CWF19L2: variants seen among roughly 807,000 people sequenced by gnomAD.
CWF19L2 encodes the protein CWF19 like cell cycle control factor 2.
Under a neutral mutation model 111.7 loss-of-function variants are expected in CWF19L2, and 98 were observed. The observed-to-expected ratio is 0.88, with a 90% confidence interval of 0.75 to 1.04. CWF19L2 has a LOEUF of 1.04. Ranked by LOEUF, CWF19L2 falls within the 50% of genes least tolerant of loss-of-function variation. The pLI, the probability that CWF19L2 is intolerant of heterozygous loss-of-function variation, is 0.00. For synonymous variants in CWF19L2, 351 were observed against 342.9 expected, an observed-to-expected ratio of 1.02 and a Z score of -0.26; for missense variants, 1,101 against 1,051.4, an observed-to-expected ratio of 1.05 and a Z score of -0.65.
chr11:107,392,868 C>T lies in CWF19L2; in HGVS notation c.1645G>A (p.Val549Ile), dbSNP rs145787698. 3 of 1,573,558 alleles carry T rather than the reference C, an allele frequency of 1.9e-6. No individual in the cohort carries two copies. The highest frequency in any genetic ancestry group is 2.6e-6 in the Non-Finnish European group (3 of 1,166,660). ...ENEDQQEVIL[V>I]RTDQSGRVWP... The stretch of plus-strand genomic sequence containing the variant: ...ACTCTTCCAGACTGATCTGTTCTGA[C>T]AAGGATTACTTCTTGCTGGTCTTCA... The change falls in exon 11 of 18, where the codon GTC (valine) becomes ATC (isoleucine). Residue 549 changes from valine (V) to isoleucine (I), a missense_variant. Transcript: ENST00000282251.
intron 12 of CWF19L2, among the ~76,000 whole-genome samples, chr11:107,382,531 G>A (rs1305978258): frequency 1.3e-5 from 2 of 152,120 alleles, no homozygotes; most frequent in Non-Finnish European, 2.9e-5. Flanking sequence ...CTATGATTTC[G>A]AAGGAAGAAA....
intron 10 of CWF19L2, among the ~76,000 whole-genome samples, chr11:107,412,737 G>C (rs1485768762): frequency 6.6e-6 from 1 of 152,210 alleles, no homozygotes; most frequent in Non-Finnish European, 1.5e-5. Context: ...GATGCACCAA[G>C]ATGTCCTCCA....
At chr11:107,449,739 G>A (rs12293353) in intron 3 of CWF19L2, among the ~76,000 whole-genome samples, 3,966 of 151,548 alleles carry the variant, frequency 0.026, 186 homozygotes, top group African/African-American at 0.09. Flanking sequence ...GATGAAATGG[G>A]ATGCTAAAAA....
Position 107,368,623 on chromosome 11 carries a change from T to C in CWF19L2, c.1873-14887A>G, listed in dbSNP as rs989542505. Among the ~76,000 whole-genome samples the C allele has an allele frequency of 2.2e-5, 3 of 138,084 alleles. 1 individual carries two copies. Among genetic ancestry groups the C allele is most frequent in the Non-Finnish European group, 4.7e-5 (3 of 64,288 alleles). 90.6% of individuals were successfully genotyped at this position (138,084 alleles called of 152,430 possible). ...GTGTGAGGTGCCAAATTATGACTGA[T>C]ATTCAGAATACAACCTTGGTTAATG... On this transcript the variant is annotated intron_variant, in intron 12 of 17. Transcript: ENST00000282251.
chr11:107,420,928 T>C (rs1339651791), intron 8 of CWF19L2, among the ~76,000 whole-genome samples: 2 of 151,826 alleles, frequency 1.3e-5, no homozygotes, highest in African/African-American at 4.8e-5. Flanking sequence ...ACCTGAATAA[T>C]ACTATCAACT....
chr11:107,442,015 T>C (rs772726533), intron 4 of CWF19L2, among the ~76,000 whole-genome samples: 2 of 152,162 alleles, frequency 1.3e-5, no homozygotes, highest in African/African-American at 2.4e-5. Flanking sequence ...ATTTTTGAAC[T>C]ATTCAACTGT....
chr11:107,363,084 T>C (rs1426844565), intron 12 of CWF19L2, among the ~76,000 whole-genome samples: 1 of 151,814 alleles, frequency 6.6e-6, no homozygotes, highest in African/African-American at 2.4e-5. Flanking sequence ...CGATGGAAGA[T>C]GAAATGAATG....
At chr11:107,410,343 G>C (rs2135392827) in intron 10 of CWF19L2, among the ~76,000 whole-genome samples, 1 of 152,176 alleles carries the variant, frequency 6.6e-6, no homozygotes, top group African/African-American at 2.4e-5. Flanking sequence ...AATTACTTTA[G>C]TTGCAGTAGA....
chr11:107,415,747 A>C (rs1481050890), intron 10 of CWF19L2, among the ~76,000 whole-genome samples: 1 of 152,198 alleles, frequency 6.6e-6, no homozygotes, highest in Non-Finnish European at 1.5e-5. Context: ...TTTTTAAAAC[A>C]AGCATGCATA....
At chr11:107,403,783 T>C in intron 10 of CWF19L2, 2 of 881,106 alleles carry the variant, frequency 2.3e-6, no homozygotes, top group Non-Finnish European at 3.9e-6. Context: ...CAGCTGCAAC[T>C]TTCTCCATAT....
intron 3 of CWF19L2, among the ~76,000 whole-genome samples, chr11:107,448,053 A>C (rs1324741169): frequency 6.6e-6 from 1 of 152,186 alleles, no homozygotes. Context: ...CAGCAAAAGA[A>C]AAGGCCAGTC....
intron 6 of CWF19L2, among the ~76,000 whole-genome samples, chr11:107,436,230 G>A (rs1207585483): frequency 6.6e-6 from 1 of 151,112 alleles, no homozygotes; most frequent in Non-Finnish European, 1.5e-5. Flanking sequence ...GCATGGTTCA[G>A]GTCCTCTATG....
intron 10 of CWF19L2, among the ~76,000 whole-genome samples, chr11:107,405,421 A>G (rs1427777993): frequency 6.6e-6 from 1 of 152,228 alleles, no homozygotes; most frequent in Non-Finnish European, 1.5e-5. Context: ...AACAAGCAAG[A>G]TTAAAACTTG....
intron 12 of CWF19L2, among the ~76,000 whole-genome samples, chr11:107,384,415 T>C (rs1039961781): frequency 2.0e-5 from 3 of 152,224 alleles, no homozygotes; most frequent in African/African-American, 7.2e-5. Flanking sequence ...ACGTTTTAAA[T>C]AGTACATGCA....
chr11:107,336,552 A>G lies in CWF19L2; in HGVS notation c.2358+6T>C, dbSNP rs1161342832. 3 of 1,593,420 alleles carry G rather than the reference A, an allele frequency of 1.9e-6. No individual in the cohort carries two copies. The highest frequency in any genetic ancestry group is 1.4e-5 in the African/African-American group (1 of 73,632). On this transcript the variant is annotated splice_donor_region_variant and intron_variant, in intron 15 of 17. Coordinates refer to ENST00000282251, the MANE Select transcript of CWF19L2 (RefSeq NM_152434.3). ...AAGTGTATATGCAAAGACTACTTAT[A>G]AACACCTTAAAATAGATGGGAGCCA...
At chr11:107,383,953 A>T (rs1396113195) in intron 12 of CWF19L2, among the ~76,000 whole-genome samples, 10 of 152,172 alleles carry the variant, frequency 6.6e-5, no homozygotes, top group Admixed American at 5.9e-4. Flanking sequence ...TACATCCAAG[A>T]TTACTGAACT....
intron 13 of CWF19L2, among the ~76,000 whole-genome samples, chr11:107,350,758 A>T (rs1296249250): frequency 6.6e-6 from 1 of 152,202 alleles, no homozygotes; most frequent in East Asian, 1.9e-4. Context: ...AAGCAGAAAA[A>T]GGTATAGATA....
rs527782789 is a variant in CWF19L2, at chr11:107,390,213, T to C, written c.1735-2A>G. ...TTCTCTTTCCTCATGGGTTGAAACC[T>C]ATGACAAAATGAACATTATTAATTT... On this transcript the variant is annotated splice_acceptor_variant, in intron 11 of 17. Coordinates refer to ENST00000282251, the MANE Select transcript of CWF19L2 (RefSeq NM_152434.3). LOFTEE classifies it high-confidence loss of function. 1.9e-6 allele frequency: 3 copies of C among 1,587,014 alleles called. No homozygotes were observed. The highest frequency in any genetic ancestry group is 1.2e-5 in the South Asian group (1 of 86,326).
Position 107,380,784 on chromosome 11 carries a change from T to C in CWF19L2, c.1872+9290A>G, listed in dbSNP as rs192615177. On this transcript the variant is annotated intron_variant, in intron 12 of 17. Transcript: ENST00000282251. ...TTGCACACCAATGTTCCTAAGAGCATTATTCACACAGCCAAAAGATGGAAG... is the reference window on the plus strand; with the variant it reads ...TTGCACACCAATGTTCCTAAGAGCACTATTCACACAGCCAAAAGATGGAAG... 2.5e-3 allele frequency among the ~76,000 whole-genome samples: 387 copies of C among 152,286 alleles called. 2 individuals are homozygous for C. The highest frequency in any genetic ancestry group is 4.2e-3 in the Non-Finnish European group (284 of 68,012).
Sources: gnomAD v4.1 joint callset for allele counts (sites outside exome capture counted in the v4.1 genomes callset) on GRCh38, gnomAD v4.1.1 for gene constraint, MANE v1.5 for transcripts, NCBI Gene and HGNC (gene_info 2026-07-23, HGNC 2026-07-21) for gene names.